The following ACTL8 variants were observed in gnomAD, a reference collection of about 807,000 sequenced individuals.
The protein encoded by ACTL8 is actin like 8.
In ACTL8, 3 loss-of-function variants were observed where a neutral mutation model predicts 9.3. The ratio of observed to expected loss-of-function variants is 0.32; its 90% CI spans 0.15 to 0.83. The LOEUF is 0.83. Among genes scored for constraint, ACTL8 ranks in the 40% least tolerant of loss-of-function variants. The pLI is 0.57. For missense variants in ACTL8, 381 were observed against 492.2 expected (o/e 0.77, Z 2.14); for synonymous variants, 224 against 205.9 (o/e 1.09, Z -0.75).
intron 1 of ACTL8, among the ~76,000 whole-genome samples, chr1:17,805,553 G>A (rs577862461): frequency 1.3e-5 from 2 of 151,814 alleles, no homozygotes; most frequent in Non-Finnish European, 2.9e-5. Flanking sequence ...GCCAATTTTT[G>A]TATTTTTAGT....
intron 1 of ACTL8, among the ~76,000 whole-genome samples, chr1:17,809,240 A>G (rs1033751647): frequency 2.0e-5 from 3 of 152,132 alleles, no homozygotes; most frequent in African/African-American, 7.2e-5. Context: ...GCAAACACAC[A>G]GCATAATTAT....
chr1:17,796,963 C>T (rs1474833811), intron 1 of ACTL8, among the ~76,000 whole-genome samples: 2 of 152,218 alleles, frequency 1.3e-5, no homozygotes, highest in East Asian at 3.9e-4. Flanking sequence ...TCTGCTCTGG[C>T]ACTTTCTAGG....
intron 1 of ACTL8, among the ~76,000 whole-genome samples, chr1:17,814,506 C>A (rs559483666): frequency 2.0e-5 from 3 of 151,134 alleles, no homozygotes; most frequent in Admixed American, 2.0e-4. Flanking sequence ...ACGCCATACC[C>A]GTTTGTAGCA....
chr1:17,805,063 A>G (rs1179313105), intron 1 of ACTL8, among the ~76,000 whole-genome samples: 1 of 152,000 alleles, frequency 6.6e-6, no homozygotes, highest in African/African-American at 2.4e-5. Flanking sequence ...TTTCCTAACA[A>G]GGCCCTAGAT....
chr1:17,769,413 T>C (rs2102677503), intron 1 of ACTL8, among the ~76,000 whole-genome samples: 1 of 152,334 alleles, frequency 6.6e-6, no homozygotes, highest in East Asian at 1.9e-4. Flanking sequence ...AATTTTCACC[T>C]TAGACACGTT....
intron 1 of ACTL8, among the ~76,000 whole-genome samples, chr1:17,759,109 G>C (rs2065986062): frequency 6.6e-6 from 1 of 152,236 alleles, no homozygotes; most frequent in African/African-American, 2.4e-5. Context: ...GTGGTGTGCA[G>C]GAGGATTCAT....
At chr1:17,802,781 G>A (rs557055744) in intron 1 of ACTL8, among the ~76,000 whole-genome samples, 1 of 152,240 alleles carries the variant, frequency 6.6e-6, no homozygotes, top group South Asian at 2.1e-4. Context: ...TCAGGAGTGT[G>A]AGACCAGCCT....
intron 1 of ACTL8, among the ~76,000 whole-genome samples, chr1:17,762,636 T>A (rs1279025729): frequency 1.3e-5 from 2 of 152,066 alleles, no homozygotes; most frequent in Non-Finnish European, 2.9e-5. Flanking sequence ...TGGTCCCCGA[T>A]ATCGAACCCC....
In ACTL8 at chr1:17,826,172, C is replaced by T. The variant is rs2053719860; in HGVS notation, c.754C>T (p.Gln252Ter). 1 of 1,613,082 alleles carries T rather than the reference C, an allele frequency of 6.2e-7. No homozygotes were observed. The change falls in exon 3 of 3, where the codon CAG (glutamine) becomes TAG (stop). Residue 252 changes from glutamine (Q) to a stop codon, truncating the protein, a stop_gained. Transcript: ENST00000375406. LOFTEE classifies it low-confidence loss of function (END_TRUNC). The surrounding 1 kb of genome is among the most constrained non-coding windows in gnomAD (Gnocchi z 4.5). ...CTCCCGCGTGGAGCTGACCCCCATG[C>T]AGCGGGTGGCTCCTGAGATGTTCTT... is the stretch of plus-strand genomic sequence containing the variant. The part of the protein sequence containing the change: ...DGSRVELTPM[Q>*]RVAPEMFFSP...
chr1:17,761,790 C>A (rs913464688), intron 1 of ACTL8, among the ~76,000 whole-genome samples: 1 of 152,132 alleles, frequency 6.6e-6, no homozygotes, highest in Non-Finnish European at 1.5e-5. Flanking sequence ...AGGCTTGTCT[C>A]GAACTCCCGA....
intron 1 of ACTL8, among the ~76,000 whole-genome samples, chr1:17,814,428 A>G (rs746326683): frequency 6.6e-6 from 1 of 152,226 alleles, no homozygotes. Flanking sequence ...GCAAGACTCT[A>G]TATCTACCAA....
chr1:17,775,913 G>C (rs74765155), intron 1 of ACTL8, among the ~76,000 whole-genome samples: 1 of 152,100 alleles, frequency 6.6e-6, no homozygotes, highest in Non-Finnish European at 1.5e-5. Context: ...GAAGATTCCC[G>C]GGACAGTATA....
chr1:17,799,016 G>C (rs2066300042), intron 1 of ACTL8, among the ~76,000 whole-genome samples: 1 of 152,170 alleles, frequency 6.6e-6, no homozygotes, highest in Non-Finnish European at 1.5e-5. Context: ...TCCTGGCTCA[G>C]CCTCTCCCTA....
intron 2 of ACTL8, among the ~76,000 whole-genome samples, chr1:17,824,800 GGAGTTTTAAATGGA>G (rs1480633412): frequency 6.6e-6 from 1 of 152,226 alleles, no homozygotes; most frequent in Admixed American, 6.5e-5. Flanking sequence ...AAGTTCCTGG[GGAGTTTTAAATGGA>G]GAGTTTTAAA....
chr1:17,770,124 C>T (rs979455933), intron 1 of ACTL8, among the ~76,000 whole-genome samples: 4 of 152,228 alleles, frequency 2.6e-5, no homozygotes, highest in African/African-American at 9.6e-5. Context: ...GTAGAAGCCT[C>T]TTTGAGAAAC....
intron 1 of ACTL8, among the ~76,000 whole-genome samples, chr1:17,756,397 G>A (rs1183660574): frequency 1.3e-5 from 2 of 151,764 alleles, no homozygotes; most frequent in Non-Finnish European, 2.9e-5. Flanking sequence ...CTTAGCGGGG[G>A]GTTGTTTATC....
rs554847323 is a variant in ACTL8 at position 17,762,918 on chromosome 1, C to A, written c.-25+7414C>A. On this transcript the variant is annotated intron_variant, in intron 1 of 2. Transcript: ENST00000375406. Reference sequence around the variant, plus strand: ...GGTGGTAGGGCTGCCTGGTGGGGCCCGCGCAATAATGGAATGAGTGTGTGT... The same window carrying A: ...GGTGGTAGGGCTGCCTGGTGGGGCCAGCGCAATAATGGAATGAGTGTGTGT... Among the ~76,000 whole-genome samples the A allele has an allele frequency of 1.6e-3, 251 of 152,186 alleles. 2 individuals carry two copies. The highest frequency in any genetic ancestry group is 5.8e-3 in the African/African-American group (241 of 41,536).
chr1:17,786,765 T>C (rs1359513196), intron 1 of ACTL8, among the ~76,000 whole-genome samples: 11 of 152,304 alleles, frequency 7.2e-5, no homozygotes, highest in African/African-American at 2.6e-4. Context: ...AGTGGCATGA[T>C]CATAGCTCAG....
At chr1:17,798,457 A>G (rs1420838307) in intron 1 of ACTL8, among the ~76,000 whole-genome samples, 2 of 152,130 alleles carry the variant, frequency 1.3e-5, no homozygotes, top group African/African-American at 2.4e-5. Context: ...GGAAGCCACA[A>G]CAGCTCGCCT....
Sources: gnomAD v4.1 joint callset for allele counts (sites outside exome capture counted in the v4.1 genomes callset) on GRCh38, gnomAD v4.1.1 for gene constraint, Gnocchi (gnomAD v3.1) non-coding constraint, MANE v1.5 for transcripts, NCBI Gene and HGNC (gene_info 2026-07-23, HGNC 2026-07-21) for gene names.